Variants in WNT2B observed in about 807,000 individuals in gnomAD.
WNT2B encodes Wnt family member 2B, also known as protein Wnt-2b.
A neutral mutation model predicts 40.5 loss-of-function variants in WNT2B; 19 were observed. The observed-to-expected ratio is 0.47, with a 90% CI of 0.33 to 0.69. The LOEUF (loss-of-function observed/expected upper bound fraction) is 0.69, where lower values mean the gene tolerates loss of function less well. Ranked by LOEUF, WNT2B falls within the 30% of genes least tolerant of loss-of-function variation. WNT2B has a pLI of 0.02. For synonymous variants in WNT2B, 220 were observed against 211.9 expected (o/e 1.04, Z -0.33); for missense variants, 467 against 556.4 (o/e 0.84, Z 1.62).
At chr1:112,486,199 T>C (rs1345109745) in intron 1 of WNT2B, among the ~76,000 whole-genome samples, 2 of 149,740 alleles carry the variant, frequency 1.3e-5, no homozygotes. Flanking sequence ...TCCTAGCACT[T>C]TGGGAGGCCA....
chr1:112,516,491 A>C (rs1652553079), intron 3 of WNT2B, 74 bp downstream of exon 3: 3 of 1,529,068 alleles, frequency 2.0e-6, no homozygotes, highest in Admixed American at 1.9e-5. Flanking sequence ...TGGACTAAAT[A>C]AATGTGAAGA....
intron 1 of WNT2B, among the ~76,000 whole-genome samples, chr1:112,474,901 ACC>A (rs1651011516): frequency 6.6e-6 from 1 of 152,064 alleles, no homozygotes; most frequent in Non-Finnish European, 1.5e-5. Context: ...CCACACACAC[ACC>A]CAGCTCTCTC....
intron 1 of WNT2B, among the ~76,000 whole-genome samples, chr1:112,492,307 C>T (rs1651626849): frequency 6.6e-6 from 1 of 152,238 alleles, no homozygotes; most frequent in African/African-American, 2.4e-5. Context: ...CAAACCACTG[C>T]TTCCTAAATT....
At position 112,526,150 on chromosome 1, in the gene WNT2B, T is replaced by C. The variant is rs1570819581; in HGVS notation, c.*5641T>C. On this transcript the variant is annotated 3_prime_UTR_variant, in exon 5 of 5. Coordinates refer to ENST00000369684, the MANE Select transcript of WNT2B (RefSeq NM_024494.3). The stretch of plus-strand genomic sequence containing the variant: ...ATTGATACAAAATGTTCAAGCCCTG[T>C]AGGAGTCCCAGGACAGCCAAGAGAG... The C allele has an allele frequency of 2.5e-6, 4 of 1,613,450 alleles. No individual in the cohort carries two copies. The highest frequency in any genetic ancestry group is 1.3e-5 in the African/African-American group (1 of 75,034).
intron 1 of WNT2B, among the ~76,000 whole-genome samples, chr1:112,513,178 A>G (rs1652414073): frequency 6.6e-6 from 1 of 152,154 alleles, no homozygotes; most frequent in African/African-American, 2.4e-5. Context: ...TGAACTAGGG[A>G]AGCTGAACGG....
chr1:112,503,458 CAGAG>C (rs1256925597), intron 1 of WNT2B, among the ~76,000 whole-genome samples: 2 of 152,072 alleles, frequency 1.3e-5, no homozygotes, highest in Admixed American at 1.3e-4. Flanking sequence ...AGGTATGAGA[CAGAG>C]AGAGGGCAAG....
chr1:112,512,307 TATTGA>T (rs762192685), intron 1 of WNT2B, among the ~76,000 whole-genome samples: 13 of 152,210 alleles, frequency 8.5e-5, no homozygotes, highest in Non-Finnish European at 1.6e-4. Context: ...GTACTGGGGA[TATTGA>T]ATTGAACAAA....
intron 1 of WNT2B, among the ~76,000 whole-genome samples, chr1:112,493,698 C>T (rs1029566769): frequency 1.3e-5 from 2 of 151,628 alleles, no homozygotes; most frequent in African/African-American, 4.8e-5. Flanking sequence ...CCAAGAACGG[C>T]GGGACAACTA....
intron 1 of WNT2B, among the ~76,000 whole-genome samples, chr1:112,468,248 C>T (rs879833788): frequency 6.6e-6 from 1 of 152,132 alleles, no homozygotes; most frequent in Non-Finnish European, 1.5e-5. Flanking sequence ...TGTCATGAGT[C>T]GTGCTGTAAT....
At chr1:112,491,173 G>A in intron 1 of WNT2B, 1 of 1,258,148 alleles carries the variant, frequency 7.9e-7, no homozygotes, top group Non-Finnish European at 1.1e-6. Flanking sequence ...ACTTTCAGAG[G>A]CTGAGGCGGG....
chr1:112,521,130 T>TCTC lies in WNT2B; in HGVS notation c.*622_*624dup. On this transcript the variant is annotated 3_prime_UTR_variant, in exon 5 of 5. Coordinates refer to ENST00000369684, the MANE Select transcript of WNT2B (RefSeq NM_024494.3). Reference sequence around the variant, plus strand: ...CATAACAATACAAACACACATTCATTCTCTCTTTTTCTCTCTACCATTCTC... The same window carrying TCTC: ...CATAACAATACAAACACACATTCATTCTCCTCTCTTTTTCTCTCTACCATTCTC... The TCTC allele has an allele frequency of 6.5e-6, 1 of 153,152 alleles. No homozygotes were observed. The highest frequency in any genetic ancestry group is 2.4e-5 in the African/African-American group (1 of 41,422). 9.5% of individuals were successfully genotyped at this position (153,152 alleles called of 1,614,324 possible).
chr1:112,467,555 A>G (rs777603968), exon 1 of WNT2B: 5 of 781,008 alleles, frequency 6.4e-6, no homozygotes, highest in Non-Finnish European at 1.2e-5. Flanking sequence ...ATGGCCTTGG[A>G]GTGGTAGCCA....
At chr1:112,475,674 A>G (rs1399930444) in intron 1 of WNT2B, among the ~76,000 whole-genome samples, 4 of 152,312 alleles carry the variant, frequency 2.6e-5, no homozygotes, top group Admixed American at 1.3e-4. Context: ...TGAGCCATAA[A>G]GCAACCATGA....
At position 112,509,363 on chromosome 1, in the gene WNT2B, G is replaced by A; in HGVS notation, c.101G>A (p.Arg34Gln). Residue 34 changes from arginine to glutamine, a missense_variant, in exon 1 of 5, where the codon CGG becomes CAG. This residue lies in a region of WNT2B where 137 missense variants were observed against 117.7 expected (regional missense o/e 1.16). Coordinates refer to ENST00000369684, the MANE Select transcript of WNT2B (RefSeq NM_024494.3). This position sits in a 1 kb window ranked among gnomAD's most constrained non-coding sequence, Gnocchi z 4.2. ...TCGCCCGCGGCCCCCGACGGCTCCCGGGCTTCGGCCCGCCTAGGTCTTGCC... is the reference window on the plus strand; with the variant it reads ...TCGCCCGCGGCCCCCGACGGCTCCCAGGCTTCGGCCCGCCTAGGTCTTGCC... ...VPSPAAPDGS[R>Q]ASARLGLACL... 1 of 1,595,544 alleles carries A rather than the reference G, an allele frequency of 6.3e-7. No homozygotes were observed. Among genetic ancestry groups the A allele is most frequent in the Non-Finnish European group, 8.5e-7 (1 of 1,177,280 alleles).
At chr1:112,475,211 T>G (rs577785235) in intron 1 of WNT2B, among the ~76,000 whole-genome samples, 2 of 152,144 alleles carry the variant, frequency 1.3e-5, no homozygotes, top group East Asian at 3.9e-4. Flanking sequence ...CATTAGCAAT[T>G]AAAGTGAGAT....
chr1:112,514,755 G>A (rs2101088247), intron 1 of WNT2B, 119 bp from the exon 2 acceptor site: 2 of 894,544 alleles, frequency 2.2e-6, no homozygotes, highest in Admixed American at 4.0e-5. Context: ...TGGAATGTGG[G>A]TTAGGGAGAG....
rs1394949799 is a variant in WNT2B, at chr1:112,488,641, A to C, written c.-95+21050A>C. The stretch of plus-strand genomic sequence containing the variant: ...ATCCTGGCTCACTGCAAGCTCCACC[A>C]CCCGGGTTCACACCATTCTCCTGCC... On this transcript the variant is annotated intron_variant, in intron 1 of 4. Coordinates refer to the WNT2B transcript ENST00000256640. Among the ~76,000 whole-genome samples the C allele has an allele frequency of 2.8e-5, 4 of 144,780 alleles. No homozygotes were observed. In the Admixed American group the frequency reaches 2.8e-4, roughly 10 times the overall value. The allele number at this position is 144,780 out of a possible 152,430, so 95.0% of individuals were successfully genotyped here.
At chr1:112,503,680 A>G (rs1367482574) in intron 1 of WNT2B, among the ~76,000 whole-genome samples, 2 of 152,172 alleles carry the variant, frequency 1.3e-5, no homozygotes, top group African/African-American at 2.4e-5. Context: ...GAGTGACACA[A>G]TCTGACAGGG....
intron 1 of WNT2B, among the ~76,000 whole-genome samples, chr1:112,471,064 G>A (rs1650867033): frequency 6.6e-6 from 1 of 152,180 alleles, no homozygotes; most frequent in African/African-American, 2.4e-5. Context: ...CCTCTGAGTG[G>A]ACACTAAGGG....
Sources: allele counts gnomAD v4.1 joint callset (sites outside exome capture counted in the v4.1 genomes callset), GRCh38; gene constraint gnomAD v4.1.1; regional missense constraint gnomAD v4.1.1; non-coding constraint Gnocchi (gnomAD v3.1); transcripts MANE v1.5; gene names NCBI Gene and HGNC (gene_info 2026-07-23, HGNC 2026-07-21).